The following RNLS variants were observed in gnomAD, a reference collection of about 807,000 sequenced individuals.
The protein encoded by RNLS is renalase.
In RNLS, 39 loss-of-function variants were observed where a neutral mutation model predicts 39.8. The ratio of observed to expected loss-of-function variants is 0.98; its 90% confidence interval spans 0.76 to 1.28. RNLS has a LOEUF of 1.28. RNLS is among the 50% of genes most tolerant of loss of function. The pLI is 0.00. For missense variants in RNLS, 410 were observed against 413.3 expected, an observed-to-expected ratio of 0.99 and a Z score of 0.07; for synonymous variants, 147 against 150.7, an observed-to-expected ratio of 0.98 and a Z score of 0.18.
At chr10:88,204,916 T>G in the RNLS span, among the ~76,000 whole-genome samples, 1 of 151,516 alleles carries the variant, frequency 6.6e-6, no homozygotes, top group Non-Finnish European at 1.5e-5. Context: ...CCTAAAGGGG[T>G]GTTGGGGGAA....
chr10:88,493,592 T>C (rs534564816), intron 4 of RNLS, among the ~76,000 whole-genome samples: 2 of 152,292 alleles, frequency 1.3e-5, no homozygotes, highest in African/African-American at 4.8e-5. Context: ...CTATTTGTTC[T>C]TGTCATTTTA....
chr10:88,317,740 T>C (rs1357822032), intron 5 of RNLS, among the ~76,000 whole-genome samples: 2 of 152,026 alleles, frequency 1.3e-5, no homozygotes, highest in East Asian at 3.9e-4. Context: ...AAGTTATCTG[T>C]GAATGGACAA....
At chr10:88,563,310 T>C (rs918066627) in intron 4 of RNLS, among the ~76,000 whole-genome samples, 4 of 152,138 alleles carry the variant, frequency 2.6e-5, no homozygotes, top group Admixed American at 6.6e-5. Flanking sequence ...ACTGTTTCCA[T>C]AGGAAAAGAG....
intron 6 of RNLS, among the ~76,000 whole-genome samples, chr10:88,276,330 T>C (rs1842813968): frequency 6.6e-6 from 1 of 152,144 alleles, no homozygotes; most frequent in African/African-American, 2.4e-5. Flanking sequence ...TTTTGTTAAT[T>C]TCTAGAACTT....
chr10:88,384,637 C>A (rs1851755998), intron 4 of RNLS, among the ~76,000 whole-genome samples: 1 of 152,188 alleles, frequency 6.6e-6, no homozygotes, highest in South Asian at 2.1e-4. Flanking sequence ...GCACTTAGAA[C>A]AACTATAGCT....
chr10:88,239,353 C>T, the RNLS span, among the ~76,000 whole-genome samples: 1 of 152,154 alleles, frequency 6.6e-6, no homozygotes, highest in South Asian at 2.1e-4. Flanking sequence ...CTCCTGGCAG[C>T]AGGTTCTAGA....
At position 88,380,842 on chromosome 10, in the gene RNLS, A is replaced by C. The variant is rs1388141148; in HGVS notation, c.527-18117T>G. Among the ~76,000 whole-genome samples the C allele has an allele frequency of 3.9e-5, 6 of 152,248 alleles. No homozygotes were observed. The East Asian group carries it at 7.7e-4, about 20-fold the overall frequency. ...TTTTACATGGTATGGGACAGTGAAA[A>C]TCTAACTCTTTTTAGATGGATAGTC... On this transcript the variant is annotated intron_variant, in intron 4 of 6. Transcript: ENST00000331772.
chr10:88,395,287 C>G (rs1359487438), intron 4 of RNLS, among the ~76,000 whole-genome samples: 1 of 143,158 alleles, frequency 7.0e-6, no homozygotes, highest in African/African-American at 2.6e-5. Flanking sequence ...ACTTACTAGA[C>G]AAAGATTTAA....
the RNLS span, among the ~76,000 whole-genome samples, chr10:88,218,747 AT>A: frequency 6.6e-6 from 1 of 152,168 alleles, no homozygotes; most frequent in Non-Finnish European, 1.5e-5. Flanking sequence ...TTAAATCACC[AT>A]TTAAAGTGGT....
At chr10:88,577,775 G>A (rs918264360) in intron 3 of RNLS, among the ~76,000 whole-genome samples, 28 of 152,206 alleles carry the variant, frequency 1.8e-4, no homozygotes, top group Middle Eastern at 3.4e-3. Flanking sequence ...TGAACACATC[G>A]GACAATAAAT....
intron 4 of RNLS, among the ~76,000 whole-genome samples, chr10:88,428,583 C>T (rs1854949733): frequency 6.6e-6 from 1 of 151,860 alleles, no homozygotes; most frequent in South Asian, 2.1e-4. Flanking sequence ...AGAGGACAGT[C>T]ACAAATGTGT....
chr10:88,559,771 T>C (rs1416619028), intron 4 of RNLS, among the ~76,000 whole-genome samples: 1 of 152,106 alleles, frequency 6.6e-6, no homozygotes, highest in Admixed American at 6.6e-5. Flanking sequence ...AAGTACCTGT[T>C]TGAGTGGACT....
intron 4 of RNLS, among the ~76,000 whole-genome samples, chr10:88,528,424 G>A (rs1847233086): frequency 6.6e-6 from 1 of 152,088 alleles, no homozygotes; most frequent in South Asian, 2.1e-4. Context: ...CCAAACAAGG[G>A]GATAAAGAAA....
At chr10:88,304,216 T>C (rs1048735608) in intron 6 of RNLS, among the ~76,000 whole-genome samples, 2 of 151,992 alleles carry the variant, frequency 1.3e-5, no homozygotes, top group Non-Finnish European at 2.9e-5. Context: ...ACCTCAAAGA[T>C]TGAAGATAGA....
chr10:88,502,872 A>G (rs1470566441), intron 4 of RNLS, among the ~76,000 whole-genome samples: 1 of 152,164 alleles, frequency 6.6e-6, no homozygotes, highest in African/African-American at 2.4e-5. Context: ...ATAAATCTTT[A>G]AAAACAAAAA....
chr10:88,335,217 CTT>C (rs201292062), intron 5 of RNLS, among the ~76,000 whole-genome samples: 3 of 143,242 alleles, frequency 2.1e-5, no homozygotes, highest in Non-Finnish European at 1.5e-5. Context: ...TTTTCTTTTA[CTT>C]TTTTTTTTTT....
At chr10:88,443,722 A>T (rs4606392) in intron 4 of RNLS, among the ~76,000 whole-genome samples, 108,086 of 152,144 alleles carry the variant, frequency 0.71, 39,518 homozygotes, top group African/African-American at 0.89. Context: ...CATCTCTTGT[A>T]GCTAGCACAG....
intron 4 of RNLS, among the ~76,000 whole-genome samples, chr10:88,387,757 T>C (rs188146239): frequency 2.6e-5 from 4 of 152,008 alleles, no homozygotes; most frequent in Non-Finnish European, 5.9e-5. Context: ...ATGGAGCAGG[T>C]GTTGTGGAGA....
chr10:88,435,679 C>T (rs1330827831), intron 4 of RNLS, among the ~76,000 whole-genome samples: 3 of 152,002 alleles, frequency 2.0e-5, no homozygotes, highest in Admixed American at 2.0e-4. Context: ...AGGGACACAG[C>T]TGCAGGGCAA....
Sources: gnomAD v4.1 joint callset for allele counts (sites outside exome capture counted in the v4.1 genomes callset) on GRCh38, gnomAD v4.1.1 for gene constraint, MANE v1.5 for transcripts, NCBI Gene and HGNC (gene_info 2026-07-23, HGNC 2026-07-21) for gene names.